Variants in CAMTA1 observed in about 807,000 individuals in gnomAD.
The protein encoded by CAMTA1 is calmodulin binding transcription activator 1.
CAMTA1 carries 27 observed loss-of-function variants against 170.9 expected under a neutral mutation model. The ratio of observed to expected loss-of-function variants is 0.16; its 90% confidence interval spans 0.12 to 0.22. CAMTA1 has a LOEUF of 0.22. Among genes scored for constraint, CAMTA1 ranks in the 10% least tolerant of loss-of-function variants. CAMTA1 has a pLI of 1.00. For missense variants in CAMTA1, 1,619 were observed against 2,217.2 expected (o/e 0.73, Z 5.42); for synonymous variants, 833 against 891.5 (o/e 0.93, Z 1.17).
At chr1:7,586,397 T>C (rs1576245424) in intron 6 of CAMTA1, among the ~76,000 whole-genome samples, 1 of 152,160 alleles carries the variant, frequency 6.6e-6, no homozygotes, top group Admixed American at 6.5e-5. Context: ...ATAAAGCCCA[T>C]GCTGCAAGCC....
At chr1:6,812,587 T>C (rs572610060) in intron 1 of CAMTA1, among the ~76,000 whole-genome samples, 222 of 152,320 alleles carry the variant, frequency 1.5e-3, no homozygotes, top group African/African-American at 5.2e-3. Context: ...TTGAATCTAT[T>C]TGTACAAATG....
chr1:6,853,231 G>A (rs964776063), intron 3 of CAMTA1: 1 of 152,154 alleles, frequency 6.6e-6, no homozygotes, highest in Non-Finnish European at 1.5e-5. Flanking sequence ...AATTATTTGT[G>A]GTTTAAAATA....
chr1:6,879,931 G>A (rs1407600295), intron 3 of CAMTA1, among the ~76,000 whole-genome samples: 3 of 151,614 alleles, frequency 2.0e-5, no homozygotes, highest in Non-Finnish European at 4.4e-5. Flanking sequence ...CTGGCCCTGT[G>A]GGAGGTTTCT....
chr1:7,656,227 C>T (rs1428521787), intron 7 of CAMTA1, among the ~76,000 whole-genome samples: 2 of 152,212 alleles, frequency 1.3e-5, no homozygotes, highest in Non-Finnish European at 2.9e-5. Flanking sequence ...CACAGACTGG[C>T]GGCTTAAACA....
At chr1:7,756,246 G>C (rs371398510) in intron 22 of CAMTA1, among the ~76,000 whole-genome samples, 1 of 151,946 alleles carries the variant, frequency 6.6e-6, no homozygotes, top group African/African-American at 2.4e-5. Flanking sequence ...ACTGTACAAG[G>C]CTGCCCTTTC....
At chr1:7,342,417 C>T (rs1370923442) in intron 5 of CAMTA1, among the ~76,000 whole-genome samples, 1 of 152,182 alleles carries the variant, frequency 6.6e-6, no homozygotes, top group African/African-American at 2.4e-5. Context: ...GGATTCCAGT[C>T]CTTTCCCTGC....
rs749200501 is a variant in CAMTA1 at position 7,286,272 on chromosome 1, C to T, written c.438+36646C>T. ...TGGGCATCTGGTGGAGTTGATGGCA[C>T]AGGTGGAGGGGCGGAGGCGCCAGGG... On this transcript the variant is annotated intron_variant, in intron 5 of 22. Transcript: ENST00000303635. This position sits in a 1 kb window ranked among gnomAD's most constrained non-coding sequence, Gnocchi z 4.2. 3.3e-5 allele frequency among the ~76,000 whole-genome samples: 5 copies of T among 152,180 alleles called. No homozygotes were observed. Among genetic ancestry groups the T allele is most frequent in the Non-Finnish European group, 7.3e-5 (5 of 68,032 alleles).
In CAMTA1 at chr1:6,965,487, G is replaced by C. The variant is rs1320164764; in HGVS notation, c.235-125817G>C. On this transcript the variant is annotated intron_variant, in intron 3 of 22. Coordinates refer to ENST00000303635, the MANE Select transcript of CAMTA1 (RefSeq NM_015215.4). This position sits in a 1 kb window ranked among gnomAD's most constrained non-coding sequence, Gnocchi z 4.1. ...GGGGGAAGGTAAATGTGGTTTATTA[G>C]CCCCCCTGGCTCAGAGGGGGCTGGG... Among the ~76,000 whole-genome samples the C allele has an allele frequency of 1.3e-5, 2 of 152,210 alleles. No individual in the cohort carries two copies. The highest frequency in any genetic ancestry group is 3.9e-4 in the East Asian group (2 of 5,186).
At chr1:7,171,246 C>T (rs1649537753) in intron 4 of CAMTA1, among the ~76,000 whole-genome samples, 1 of 152,190 alleles carries the variant, frequency 6.6e-6, no homozygotes, top group East Asian at 1.9e-4. Flanking sequence ...CTATCATTTC[C>T]ATCAGCAGTG....
intron 3 of CAMTA1, among the ~76,000 whole-genome samples, chr1:7,013,209 CTTTTTTTT>C (rs969077771): frequency 3.9e-4 from 33 of 84,194 alleles, no homozygotes; most frequent in African/African-American, 1.6e-3. Context: ...TGCCCTTCTT[CTTTTTTTT>C]TTTTTTTTTT....
intron 1 of CAMTA1, among the ~76,000 whole-genome samples, chr1:6,811,499 AC>A (rs1298713366): frequency 6.6e-6 from 1 of 152,214 alleles, no homozygotes; most frequent in African/African-American, 2.4e-5. Flanking sequence ...GTTTAAAAAA[AC>A]AATCTCACCT....
At chr1:7,215,559 A>G (rs891298801) in intron 4 of CAMTA1, among the ~76,000 whole-genome samples, 2 of 152,066 alleles carry the variant, frequency 1.3e-5, no homozygotes, top group Non-Finnish European at 2.9e-5. Flanking sequence ...ACACCTGGCT[A>G]ATTTTTGTAT....
intron 12 of CAMTA1, among the ~76,000 whole-genome samples, chr1:7,735,599 T>C (rs1474259754): frequency 2.6e-5 from 4 of 152,184 alleles, no homozygotes; most frequent in African/African-American, 9.7e-5. Context: ...TGTTTAAGGC[T>C]GTGTACACTT....
intron 6 of CAMTA1, among the ~76,000 whole-genome samples, chr1:7,546,660 C>T (rs1323924346): frequency 1.3e-5 from 2 of 152,216 alleles, no homozygotes; most frequent in East Asian, 3.8e-4. Context: ...ACATCGCCAG[C>T]ATCTGTTGTT....
At chr1:6,951,347 T>A (rs1055979504) in intron 3 of CAMTA1, among the ~76,000 whole-genome samples, 1 of 152,230 alleles carries the variant, frequency 6.6e-6, no homozygotes, top group African/African-American at 2.4e-5. Context: ...ACTTAACCTC[T>A]CTGAGCCTTA....
intron 4 of CAMTA1, among the ~76,000 whole-genome samples, chr1:7,192,780 A>G (rs554859956): frequency 2.2e-4 from 33 of 152,332 alleles, no homozygotes; most frequent in Non-Finnish European, 4.4e-4. Context: ...ATTGTGAGTC[A>G]ATGACAGGGT....
intron 6 of CAMTA1, among the ~76,000 whole-genome samples, chr1:7,506,954 A>G (rs890243155): frequency 3.3e-5 from 5 of 151,860 alleles, no homozygotes; most frequent in Non-Finnish European, 7.4e-5. Context: ...CAAAATTCAC[A>G]CACACTCAAA....
At chr1:7,383,266 A>G (rs1037263834) in intron 5 of CAMTA1, among the ~76,000 whole-genome samples, 1 of 152,222 alleles carries the variant, frequency 6.6e-6, no homozygotes, top group Non-Finnish European at 1.5e-5. Context: ...ATAAATAGTG[A>G]GAAAAGCATT....
intron 11 of CAMTA1, among the ~76,000 whole-genome samples, chr1:7,718,556 T>C (rs1223123663): frequency 1.0e-5 from 1 of 100,442 alleles, no homozygotes; most frequent in African/African-American, 4.0e-5. Context: ...TTACAGCACT[T>C]TTTTTTTTTT....
Sources: gnomAD v4.1 joint callset for allele counts (sites outside exome capture counted in the v4.1 genomes callset) on GRCh38, gnomAD v4.1.1 for gene constraint, Gnocchi (gnomAD v3.1) non-coding constraint, MANE v1.5 for transcripts, NCBI Gene and HGNC (gene_info 2026-07-23, HGNC 2026-07-21) for gene names.